The following MACROH2A1 variants were observed in gnomAD, a reference collection of about 807,000 sequenced individuals.
MACROH2A1 encodes the protein core histone macro-H2A.1.
In MACROH2A1, 2 loss-of-function variants were observed where a neutral mutation model predicts 31.6. That is an observed-to-expected ratio of 0.06 (90% confidence interval 0.03 to 0.20). The LOEUF (loss-of-function observed/expected upper bound fraction) is 0.20. Ranked by LOEUF, MACROH2A1 falls within the 10% of genes least tolerant of loss-of-function variation. The pLI, the probability that MACROH2A1 is intolerant of heterozygous loss-of-function variation, is 1.00. For missense variants in MACROH2A1, 230 were observed against 474.0 expected, an observed-to-expected ratio of 0.49 and a Z score of 4.78; for synonymous variants, 169 against 189.6, an observed-to-expected ratio of 0.89 and a Z score of 0.89.
chr5:135,393,245 T>C (rs1767501720), intron 1 of MACROH2A1, among the ~76,000 whole-genome samples: 1 of 152,152 alleles, frequency 6.6e-6, no homozygotes, highest in Non-Finnish European at 1.5e-5. Flanking sequence ...GATAATAACC[T>C]ATGAGGGTTT....
intron 1 of MACROH2A1, among the ~76,000 whole-genome samples, chr5:135,397,575 A>G (rs1203484090): frequency 1.3e-5 from 2 of 152,222 alleles, no homozygotes; most frequent in African/African-American, 4.8e-5. Context: ...TAAAACTAGA[A>G]GGGGGAAGAA....
intron 4 of MACROH2A1, chr5:135,362,763 T>C (rs1452658394): frequency 6.6e-6 from 1 of 152,244 alleles, no homozygotes; most frequent in Non-Finnish European, 1.5e-5. Context: ...TCTTGTAGAA[T>C]CTACTACTTA....
chr5:135,357,643 GTTTT>G, intron 5 of MACROH2A1: 3 of 626,110 alleles, frequency 4.8e-6, no homozygotes, highest in Non-Finnish European at 6.0e-6. Context: ...CATTAGAAAT[GTTTT>G]TTCTGAAAAT....
At chr5:135,343,678 A>C in intron 7 of MACROH2A1, 2 of 551,274 alleles carry the variant, frequency 3.6e-6, no homozygotes, top group Non-Finnish European at 6.4e-6. Context: ...GTTCGTAGTA[A>C]GCCTCTCTCC....
intron 2 of MACROH2A1, among the ~76,000 whole-genome samples, chr5:135,384,480 C>G (rs1371513456): frequency 2.6e-5 from 4 of 152,210 alleles, no homozygotes; most frequent in Admixed American, 2.6e-4. Flanking sequence ...GGATAAAGAT[C>G]ACTCATGGGA....
At chr5:135,360,867 G>GAC in intron 4 of MACROH2A1, 1 of 632,938 alleles carries the variant, frequency 1.6e-6, no homozygotes, top group Non-Finnish European at 2.9e-6. Flanking sequence ...ACTTTACAGT[G>GAC]ATCATTTAGA....
chr5:135,355,331 G>A (rs1762051216), intron 5 of MACROH2A1: 1 of 449,522 alleles, frequency 2.2e-6, no homozygotes. Context: ...TCTTGGAAGT[G>A]CAGACTACAG....
intron 2 of MACROH2A1, among the ~76,000 whole-genome samples, chr5:135,374,546 T>C (rs951361545): frequency 3.9e-5 from 6 of 152,332 alleles, no homozygotes; most frequent in African/African-American, 1.4e-4. Flanking sequence ...GGCTTTCTCC[T>C]AGGCTAGAAC....
rs1237349401 is a variant in MACROH2A1 at position 135,334,700 on chromosome 5, A to G, written c.*276T>C. Reference sequence around the variant, plus strand: ...ACTGCTGTGCGTCAATCAGGGTTTCATTAAAATAAAACTATAAAATCTCCT... The same window carrying G: ...ACTGCTGTGCGTCAATCAGGGTTTCGTTAAAATAAAACTATAAAATCTCCT... On this transcript the variant is annotated 3_prime_UTR_variant, in exon 9 of 9. Coordinates refer to ENST00000511689, the MANE Select transcript of MACROH2A1 (RefSeq NM_138610.3). The G allele has an allele frequency of 3.0e-6, 1 of 330,936 alleles. No homozygotes were observed. Among genetic ancestry groups the G allele is most frequent in the African/African-American group, 2.1e-5 (1 of 47,080 alleles). The allele number at this position is 330,936 out of a possible 1,614,324, so 20.5% of individuals were successfully genotyped here.
chr5:135,399,833 G>C (rs999917059), upstream of MACROH2A1: 1 of 152,214 alleles, frequency 6.6e-6, no homozygotes, highest in Non-Finnish European at 1.5e-5. The surrounding 1 kb of genome is among the most constrained non-coding windows in gnomAD (Gnocchi z 4.5). Context: ...TAGCTACTTC[G>C]CTTCAGCAAA....
intron 5 of MACROH2A1, chr5:135,355,421 G>A (rs1203423097): frequency 8.0e-6 from 3 of 374,164 alleles, no homozygotes; most frequent in African/African-American, 4.2e-5. Flanking sequence ...ATCTGTGGAT[G>A]AGGCTAGAGC....
intron 8 of MACROH2A1, among the ~76,000 whole-genome samples, chr5:135,335,485 A>G (rs1001225581): frequency 6.6e-6 from 1 of 152,218 alleles, no homozygotes; most frequent in African/African-American, 2.4e-5. Context: ...ACCTTTGACT[A>G]GCACAGTGCC....
In MACROH2A1 at chr5:135,343,450, T is replaced by G; in HGVS notation, c.779-16A>C. On this transcript the variant is annotated splice_polypyrimidine_tract_variant and intron_variant, in intron 7 of 8. Transcript: ENST00000511689. ...CTGACAGCAGCTAGTGGTGCGGGGA[T>G]GAAACAGAAACAGTGAGCTCTGGTT... is the stretch of plus-strand genomic sequence containing the variant. 6.2e-7 allele frequency: 1 copy of G among 1,612,496 alleles called. No homozygotes were observed. Among genetic ancestry groups the G allele is most frequent in the Non-Finnish European group, 8.5e-7 (1 of 1,178,920 alleles).
rs116168234 is a variant in MACROH2A1, at chr5:135,391,584, C to T, written c.-33-2458G>A. 3.0e-3 allele frequency among the ~76,000 whole-genome samples: 464 copies of T among 152,340 alleles called. 4 individuals carry two copies. The highest frequency in any genetic ancestry group is 0.011 in the African/African-American group (440 of 41,572). On this transcript the variant is annotated intron_variant, in intron 1 of 8. Coordinates refer to ENST00000511689, the MANE Select transcript of MACROH2A1 (RefSeq NM_138610.3). ...CTCCCAGGTCTCTATGCCAGTGCAACACCTGGCCGCTGAGCCTCAGAGCTC... is the reference window on the plus strand; with the variant it reads ...CTCCCAGGTCTCTATGCCAGTGCAATACCTGGCCGCTGAGCCTCAGAGCTC...
intron 4 of MACROH2A1, among the ~76,000 whole-genome samples, chr5:135,364,536 A>G (rs1447265282): frequency 6.6e-6 from 1 of 152,230 alleles, no homozygotes; most frequent in Non-Finnish European, 1.5e-5. Flanking sequence ...CAGCTCCAGA[A>G]AGACTGTTAT....
At chr5:135,392,374 G>A (rs1186277152) in intron 1 of MACROH2A1, among the ~76,000 whole-genome samples, 1 of 152,198 alleles carries the variant, frequency 6.6e-6, no homozygotes, top group Non-Finnish European at 1.5e-5. Context: ...TTCTGAGTCA[G>A]GCTCCTGTCC....
chr5:135,342,706 G>A (rs552679830), intron 8 of MACROH2A1, among the ~76,000 whole-genome samples: 2 of 152,178 alleles, frequency 1.3e-5, no homozygotes, highest in Non-Finnish European at 2.9e-5. Flanking sequence ...GTTCCACCAG[G>A]TCCCATTACC....
intron 8 of MACROH2A1, chr5:135,338,021 CT>C: frequency 8.6e-7 from 1 of 1,166,082 alleles, no homozygotes; most frequent in South Asian, 1.7e-5. Context: ...GAGGTAACGG[CT>C]TTCCTAACGT....
chr5:135,344,781 C>G, intron 7 of MACROH2A1: 1 of 152,196 alleles, frequency 6.6e-6, no homozygotes, highest in East Asian at 1.9e-4. Context: ...GTTATTGAAA[C>G]AAGCAAAAAT....
Sources: gnomAD v4.1 joint callset for allele counts (sites outside exome capture counted in the v4.1 genomes callset) on GRCh38, gnomAD v4.1.1 for gene constraint, Gnocchi (gnomAD v3.1) non-coding constraint, MANE v1.5 for transcripts, NCBI Gene and HGNC (gene_info 2026-07-23, HGNC 2026-07-21) for gene names.